KLHL8: variants seen among roughly 807,000 people sequenced by gnomAD.
The protein encoded by KLHL8 is kelch-like protein 8.
KLHL8 carries 38 observed loss-of-function variants against 63.5 expected under a neutral mutation model. The observed-to-expected ratio is 0.60, with a 90% CI of 0.46 to 0.78. The LOEUF (loss-of-function observed/expected upper bound fraction) is 0.78, where lower values mean the gene tolerates loss of function less well. Among genes scored for constraint, KLHL8 ranks in the 30% least tolerant of loss-of-function variants. The probability of loss-of-function intolerance (pLI) is 0.00; values close to 1 mark genes in which losing one functional copy is unlikely to be tolerated. For missense variants in KLHL8, 566 were observed against 752.4 expected (o/e 0.75, Z 2.90); for synonymous variants, 224 against 254.3 (o/e 0.88, Z 1.13).
At chr4:87,180,954 C>T (rs116215184) in intron 4 of KLHL8, among the ~76,000 whole-genome samples, 1,741 of 151,984 alleles carry the variant, frequency 0.011, 39 homozygotes, top group African/African-American at 0.04. Context: ...GAGGACTGCT[C>T]GAGCCCATGA....
At position 87,162,486 on chromosome 4, in the gene KLHL8, A is replaced by C. The variant is rs1443244538; in HGVS notation, c.*1033T>G. On this transcript the variant is annotated 3_prime_UTR_variant, in exon 10 of 10. Coordinates refer to ENST00000273963, the MANE Select transcript of KLHL8 (RefSeq NM_020803.5). ...TTTAATTAGTTCGTGATGGGCTTGA[A>C]CTAATCAATAAACTACAGTCTACAA... 4 of 152,232 alleles carry C rather than the reference A, an allele frequency of 2.6e-5. No homozygotes were observed. In the East Asian group the frequency reaches 5.8e-4, roughly 22 times the overall value. The allele number at this position is 152,232 out of a possible 1,614,324, so 9.4% of individuals were successfully genotyped here.
chr4:87,229,419 CTTTTT>C (rs1299829511), intron 1 of KLHL8, among the ~76,000 whole-genome samples: 3 of 120,530 alleles, frequency 2.5e-5, no homozygotes. Flanking sequence ...TATCTTTTTC[CTTTTT>C]TTTTTTTTTT....
At chr4:87,232,493 G>A (rs1733152710) in intron 1 of KLHL8, among the ~76,000 whole-genome samples, 2 of 152,166 alleles carry the variant, frequency 1.3e-5, no homozygotes, top group Non-Finnish European at 1.5e-5. Flanking sequence ...ATGGACACTC[G>A]TGTATATGTA....
intron 1 of KLHL8, among the ~76,000 whole-genome samples, chr4:87,209,848 GTTTTTTT>G (rs35717106): frequency 1.9e-5 from 2 of 105,384 alleles, no homozygotes; most frequent in Admixed American, 2.3e-4. Flanking sequence ...TCCGTTTTGG[GTTTTTTT>G]TTTTTTTTTT....
chr4:87,225,894 T>C (rs1732964699), intron 1 of KLHL8, among the ~76,000 whole-genome samples: 1 of 152,176 alleles, frequency 6.6e-6, no homozygotes, highest in Non-Finnish European at 1.5e-5. Flanking sequence ...TTTTTATTAC[T>C]CCATCATACC....
chr4:87,229,946 C>A (rs1733106267), intron 1 of KLHL8, among the ~76,000 whole-genome samples: 1 of 152,112 alleles, frequency 6.6e-6, no homozygotes, highest in African/African-American at 2.4e-5. Flanking sequence ...CCTCCCTTCT[C>A]AACGTGAGCC....
intron 4 of KLHL8, among the ~76,000 whole-genome samples, chr4:87,180,173 T>G (rs1418449748): frequency 6.6e-6 from 1 of 152,244 alleles, no homozygotes; most frequent in Non-Finnish European, 1.5e-5. Context: ...GGTGTTCCTA[T>G]AGCACTTTTG....
Position 87,185,608 on chromosome 4 carries a change from A to G in KLHL8, c.408T>C (p.Asn136=). The change falls in exon 3 of 10, where the codon AAT becomes AAC. Residue 136 remains asparagine, a synonymous_variant. Transcript: ENST00000273963. ...YSSRLTLTVD[N]VQPLLYAACI... ...AGGCTGCATATAAGAGAGGCTGGAC[A>G]TTGTCAACAGTCAAAGTGAGCCGTG... 1.2e-6 allele frequency: 2 copies of G among 1,614,222 alleles called. No homozygotes were observed. Among genetic ancestry groups the G allele is most frequent in the Non-Finnish European group, 1.7e-6 (2 of 1,180,018 alleles).
chr4:87,229,169 C>G (rs1733087688), intron 1 of KLHL8, among the ~76,000 whole-genome samples: 1 of 152,158 alleles, frequency 6.6e-6, no homozygotes, highest in Admixed American at 6.5e-5. Context: ...TTATCATCGG[C>G]TAAGACTTGA....
intron 1 of KLHL8, among the ~76,000 whole-genome samples, chr4:87,235,421 G>A (rs960557021): frequency 1.3e-5 from 2 of 152,178 alleles, no homozygotes; most frequent in African/African-American, 4.8e-5. Context: ...TAGCCTAGGT[G>A]TGTAGTAGGC....
chr4:87,210,548 A>G (rs551909285), intron 1 of KLHL8, among the ~76,000 whole-genome samples: 41 of 152,178 alleles, frequency 2.7e-4, no homozygotes, highest in Non-Finnish European at 4.0e-4. Context: ...TTTGGATACA[A>G]AAGATTATAT....
intron 8 of KLHL8, among the ~76,000 whole-genome samples, chr4:87,168,706 A>ATG (rs1730505953): frequency 6.8e-6 from 1 of 146,138 alleles, no homozygotes; most frequent in Non-Finnish European, 1.5e-5. Flanking sequence ...ACGTATATAT[A>ATG]TGTGTATATA....
intron 8 of KLHL8, among the ~76,000 whole-genome samples, chr4:87,166,015 G>A (rs1164268350): frequency 2.6e-5 from 4 of 152,108 alleles, no homozygotes; most frequent in East Asian, 1.9e-4. Flanking sequence ...TATTCCTGTC[G>A]ACATATAACA....
intron 1 of KLHL8, among the ~76,000 whole-genome samples, chr4:87,196,393 A>G (rs1298776462): frequency 6.6e-6 from 1 of 152,128 alleles, no homozygotes; most frequent in Non-Finnish European, 1.5e-5. Flanking sequence ...AAACAGAAGG[A>G]TATTTTGATT....
Position 87,163,499 on chromosome 4 carries a change from G to C in KLHL8, c.*20C>G, listed in dbSNP as rs774960737. On this transcript the variant is annotated 3_prime_UTR_variant, in exon 10 of 10. Coordinates refer to ENST00000273963, the MANE Select transcript of KLHL8 (RefSeq NM_020803.5). ...TGTACCTATCAGATATGACTAAATT[G>C]TTGGTGGCCAGAACTCAAATCACAT... 1 of 1,613,226 alleles carries C rather than the reference G, an allele frequency of 6.2e-7. No individual in the cohort carries two copies. Among genetic ancestry groups the C allele is most frequent in the South Asian group, 1.1e-5 (1 of 90,880 alleles).
chr4:87,185,037 T>C (rs1242080175), intron 3 of KLHL8, among the ~76,000 whole-genome samples: 1 of 152,204 alleles, frequency 6.6e-6, no homozygotes, highest in Non-Finnish European at 1.5e-5. Context: ...CAGAGAATGA[T>C]ATTGCTAATT....
chr4:87,195,703 C>T lies in KLHL8; in HGVS notation c.-151-13G>A. The T allele has an allele frequency of 1.8e-6, 1 of 551,650 alleles. No individual in the cohort carries two copies. The highest frequency in any genetic ancestry group is 3.2e-6 in the Non-Finnish European group (1 of 315,400). The allele number at this position is 551,650 out of a possible 1,614,324, so 34.2% of individuals were successfully genotyped here. On this transcript the variant is annotated splice_polypyrimidine_tract_variant and intron_variant, in intron 1 of 9. Coordinates refer to ENST00000273963, the MANE Select transcript of KLHL8 (RefSeq NM_020803.5). Reference sequence around the variant, plus strand: ...CAGTTTGCTGTGACTGAAAAATCAACAATAAAACAGGTAGAGACAAACGAA... The same window carrying T: ...CAGTTTGCTGTGACTGAAAAATCAATAATAAAACAGGTAGAGACAAACGAA...
intron 2 of KLHL8, among the ~76,000 whole-genome samples, chr4:87,194,072 G>A (rs1382725105): frequency 6.6e-6 from 1 of 152,088 alleles, no homozygotes; most frequent in Non-Finnish European, 1.5e-5. Context: ...TCTTCTAAAT[G>A]TCCTCCAAAA....
intron 8 of KLHL8, among the ~76,000 whole-genome samples, chr4:87,168,019 T>G (rs1157249955): frequency 8.5e-5 from 13 of 152,180 alleles, no homozygotes; most frequent in Admixed American, 6.5e-4. Flanking sequence ...AAATGCTCAC[T>G]TGGCTCTCTT....
Sources: gnomAD v4.1 joint callset for allele counts (sites outside exome capture counted in the v4.1 genomes callset) on GRCh38, gnomAD v4.1.1 for gene constraint, MANE v1.5 for transcripts, NCBI Gene and HGNC (gene_info 2026-07-23, HGNC 2026-07-21) for gene names.